PUM2: variants seen among roughly 807,000 people sequenced by gnomAD.
The protein encoded by PUM2 is pumilio RNA binding family member 2, also known as pumilio homolog 2.
Under a neutral mutation model 124.5 loss-of-function variants are expected in PUM2, and 57 were observed. That is an observed-to-expected ratio of 0.46 (90% CI 0.37 to 0.57). The LOEUF (loss-of-function observed/expected upper bound fraction) is 0.57. Among genes scored for constraint, PUM2 ranks in the 20% least tolerant of loss-of-function variants. PUM2 has a pLI of 0.00. For missense variants in PUM2, 1,065 were observed against 1,290.6 expected (o/e 0.83, Z 2.68); for synonymous variants, 460 against 446.1 (o/e 1.03, Z -0.39).
At chr2:20,303,342 C>T (rs532066316) in intron 7 of PUM2, among the ~76,000 whole-genome samples, 3 of 151,602 alleles carry the variant, frequency 2.0e-5, no homozygotes, top group East Asian at 1.9e-4. Context: ...GAGGTCGAGG[C>T]TGCAATTAGC....
chr2:20,263,106 G>T, intron 14 of PUM2, 87 bp downstream of exon 14: 2 of 1,306,814 alleles, frequency 1.5e-6, no homozygotes, highest in Non-Finnish European at 2.1e-6. Context: ...CAACTTTAAT[G>T]CAGACTAAAG....
intron 14 of PUM2, among the ~76,000 whole-genome samples, chr2:20,262,782 C>G (rs1033824190): frequency 7.2e-5 from 11 of 152,174 alleles, no homozygotes; most frequent in Admixed American, 2.0e-4. Context: ...TTTCCTATAA[C>G]AAATGTGAAA....
chr2:20,318,461 C>A, intron 3 of PUM2, 76 bp downstream of exon 3: 1 of 1,326,792 alleles, frequency 7.5e-7, no homozygotes, highest in Non-Finnish European at 1.0e-6. Context: ...GAGACTCACT[C>A]TAAAAAAAAA....
chr2:20,297,737 A>G, intron 7 of PUM2, 59 bp from the exon 8 acceptor site: 1 of 1,513,350 alleles, frequency 6.6e-7, no homozygotes, highest in South Asian at 1.2e-5. Flanking sequence ...TTTTTTCATT[A>G]GATAAAAACA....
chr2:20,350,961 G>C (rs1168025899), upstream of PUM2: 1 of 193,162 alleles, frequency 5.2e-6, no homozygotes, highest in Non-Finnish European at 9.5e-6. Flanking sequence ...GCCGCCGCGC[G>C]GGCCGGGGGC....
intron 13 of PUM2, among the ~76,000 whole-genome samples, 167 bp from the exon 14 acceptor site, chr2:20,263,627 C>G (rs1169116808): frequency 1.3e-5 from 2 of 152,078 alleles, no homozygotes; most frequent in Non-Finnish European, 2.9e-5. Flanking sequence ...ACCCATATAC[C>G]TCATGTATGT....
chr2:20,341,985 C>T (rs1293233785), intron 1 of PUM2, among the ~76,000 whole-genome samples: 2 of 151,694 alleles, frequency 1.3e-5, no homozygotes, highest in African/African-American at 2.4e-5. Flanking sequence ...AAAAATTAGC[C>T]AGGTGTGGTG....
At position 20,297,593 on chromosome 2, in the gene PUM2, C is replaced by T. The variant is rs189044449; in HGVS notation, c.969G>A (p.Pro323=). ...CTGCAGCCAATCCTGCTGCAGTATA[C>T]GGATCGGTCCCTGGAGGAGCAGCAC... ...IISAAPPGTD[P]YTAAGLAAAA... is the part of the protein sequence containing the mutation. The change falls in exon 8 of 21, where the codon CCG becomes CCA. Residue 323 remains proline, a synonymous_variant. Transcript: ENST00000361078. 138 of 1,612,666 alleles carry T rather than the reference C, an allele frequency of 8.6e-5. No individual in the cohort carries two copies. The East Asian group carries it at 2.5e-3, about 29-fold the overall frequency.
chr2:20,292,279 A>C (rs1003090133), intron 9 of PUM2, among the ~76,000 whole-genome samples: 5 of 147,276 alleles, frequency 3.4e-5, no homozygotes, highest in Non-Finnish European at 6.0e-5. Context: ...CGTCAGGCCC[A>C]TGGCTGACAG....
chr2:20,320,885 C>G (rs141090436), intron 2 of PUM2, among the ~76,000 whole-genome samples: 4 of 152,156 alleles, frequency 2.6e-5, no homozygotes, highest in African/African-American at 9.6e-5. Context: ...ATAAGCCATT[C>G]CAAGCAGATG....
At chr2:20,314,759 A>C (rs1252049445) in intron 3 of PUM2, among the ~76,000 whole-genome samples, 1 of 152,204 alleles carries the variant, frequency 6.6e-6, no homozygotes, top group Admixed American at 6.5e-5. Flanking sequence ...CGTTCATTAC[A>C]CAGTTGAAAT....
At position 20,298,049 on chromosome 2, in the gene PUM2, T is replaced by C. The variant is rs116216956; in HGVS notation, c.884-371A>G. On this transcript the variant is annotated intron_variant, in intron 7 of 20. Transcript: ENST00000361078. ...GAGAGCCAGAACTGCTACTGGTAAA[T>C]AGTAGTTTTTCACTCAATCTTATAA... 7.5e-3 allele frequency among the ~76,000 whole-genome samples: 1,139 copies of C among 152,280 alleles called. 3 individuals are homozygous for C. The highest frequency in any genetic ancestry group is 0.011 in the Non-Finnish European group (735 of 68,024).
At chr2:20,261,342 C>T (rs960418878) in intron 14 of PUM2, among the ~76,000 whole-genome samples, 6 of 132,744 alleles carry the variant, frequency 4.5e-5, no homozygotes, top group African/African-American at 1.8e-4. Context: ...TGCAGTGAGC[C>T]GAGATCATGC....
intron 15 of PUM2, 102 bp downstream of exon 15, chr2:20,260,235 T>C (rs1665847687): frequency 7.9e-7 from 1 of 1,264,436 alleles, no homozygotes; most frequent in Non-Finnish European, 1.1e-6. Flanking sequence ...CTTATTATCT[T>C]TTTTTATATG....
At chr2:20,339,470 C>T (rs1686804992) in intron 1 of PUM2, among the ~76,000 whole-genome samples, 1 of 152,130 alleles carries the variant, frequency 6.6e-6, no homozygotes, top group African/African-American at 2.4e-5. Context: ...TGTACGTGTA[C>T]ACTCAATGCC....
At chr2:20,324,762 G>A (rs1054719385) in intron 2 of PUM2, among the ~76,000 whole-genome samples, 2 of 152,102 alleles carry the variant, frequency 1.3e-5, no homozygotes, top group East Asian at 1.9e-4. Context: ...GCCTTCTGAT[G>A]ATGGCTCAGT....
At chr2:20,248,700 G>A (rs957673723), downstream of PUM2, 1 of 152,668 alleles carries the variant, frequency 6.6e-6, no homozygotes, top group African/African-American at 2.4e-5. Context: ...CTGAGGTACA[G>A]AGGGGTATTT....
At chr2:20,259,825 C>T (rs893951227) in intron 15 of PUM2, among the ~76,000 whole-genome samples, 4 of 152,112 alleles carry the variant, frequency 2.6e-5, no homozygotes, top group African/African-American at 9.7e-5. Context: ...TGTGGTGATT[C>T]AATATTTAAT....
At chr2:20,306,598 T>C (rs1219694756) in intron 7 of PUM2, among the ~76,000 whole-genome samples, 2 of 148,238 alleles carry the variant, frequency 1.3e-5, no homozygotes, top group East Asian at 4.0e-4. Context: ...CACCTATAAA[T>C]GTGGACTTTT....
Sources: gnomAD v4.1 joint callset for allele counts (sites outside exome capture counted in the v4.1 genomes callset) on GRCh38, gnomAD v4.1.1 for gene constraint, MANE v1.5 for transcripts, NCBI Gene and HGNC (gene_info 2026-07-23, HGNC 2026-07-21) for gene names.